GFRA1: variants seen among roughly 807,000 people sequenced by gnomAD.
GFRA1 encodes the protein GDNF family receptor alpha 1.
In GFRA1, 16 loss-of-function variants were observed where a neutral mutation model predicts 51.6. The observed-to-expected ratio is 0.31, with a 90% confidence interval of 0.21 to 0.47. The LOEUF (loss-of-function observed/expected upper bound fraction) is 0.47. GFRA1 is among the 20% of genes least tolerant of loss of function. GFRA1 has a pLI of 1.00. For missense variants in GFRA1, 530 were observed against 594.3 expected (o/e 0.89, Z 1.13); for synonymous variants, 270 against 241.3 (o/e 1.12, Z -1.10).
chr10:116,106,725 T>A (rs1957021126), intron 6 of GFRA1, among the ~76,000 whole-genome samples: 1 of 149,496 alleles, frequency 6.7e-6, no homozygotes, highest in African/African-American at 2.5e-5. Flanking sequence ...CTGTCTTCCA[T>A]CTTTCACCAC....
chr10:116,254,261 G>A (rs983719869), intron 4 of GFRA1, among the ~76,000 whole-genome samples: 3 of 144,036 alleles, frequency 2.1e-5, no homozygotes, highest in Non-Finnish European at 4.5e-5. Context: ...GGCAGAGGCT[G>A]CAGTGAGCCA....
At chr10:116,110,339 T>A (rs10787619) in intron 6 of GFRA1, among the ~76,000 whole-genome samples, 1 of 151,846 alleles carries the variant, frequency 6.6e-6, no homozygotes. Flanking sequence ...TGGTAGTGTC[T>A]GTGTTTTACA....
At chr10:116,103,284 T>C (rs1956886360) in intron 6 of GFRA1, among the ~76,000 whole-genome samples, 1 of 152,262 alleles carries the variant, frequency 6.6e-6, no homozygotes, top group Admixed American at 6.5e-5. Flanking sequence ...CCAAAATTTT[T>C]ACTTCTATCC....
chr10:116,192,005 G>C (rs1963311041), intron 5 of GFRA1, among the ~76,000 whole-genome samples: 1 of 152,086 alleles, frequency 6.6e-6, no homozygotes, highest in African/African-American at 2.4e-5. Flanking sequence ...CCAGCCTCGG[G>C]GACAAGAGTG....
intron 4 of GFRA1, among the ~76,000 whole-genome samples, chr10:116,235,166 T>C (rs925507624): frequency 3.9e-5 from 6 of 152,126 alleles, no homozygotes; most frequent in African/African-American, 1.4e-4. Context: ...TATCTGTGCC[T>C]CTCTCAGCGA....
intron 9 of GFRA1, among the ~76,000 whole-genome samples, chr10:116,089,475 A>C (rs1589777783): frequency 2.0e-5 from 3 of 152,036 alleles, no homozygotes; most frequent in Admixed American, 6.6e-5. Flanking sequence ...TCTCCCCAGA[A>C]CCCTCATTGT....
At chr10:116,243,288 G>A (rs1406556574) in intron 4 of GFRA1, among the ~76,000 whole-genome samples, 2 of 151,820 alleles carry the variant, frequency 1.3e-5, no homozygotes, top group African/African-American at 4.8e-5. Flanking sequence ...GGGGAGGGAG[G>A]ATGCCAAAAA....
intron 4 of GFRA1, 138 bp downstream of exon 4, chr10:116,269,362 TATC>T: frequency 1.4e-6 from 1 of 707,192 alleles, no homozygotes; most frequent in Non-Finnish European, 2.6e-6. Flanking sequence ...GCCTCTTCAT[TATC>T]ATCATCCTAT....
intron 5 of GFRA1, among the ~76,000 whole-genome samples, chr10:116,136,423 C>T (rs1958327619): frequency 6.6e-6 from 1 of 152,176 alleles, no homozygotes; most frequent in Non-Finnish European, 1.5e-5. Flanking sequence ...ACCGACGCTG[C>T]TTCTCCCCAG....
intron 2 of GFRA1, 75 bp from the exon 3 acceptor site, chr10:116,271,190 G>C: frequency 2.2e-6 from 3 of 1,336,630 alleles, no homozygotes; most frequent in Non-Finnish European, 3.1e-6. Flanking sequence ...GCGAGGGCGC[G>C]CGCCCGGGTC....
At chr10:116,185,940 A>G (rs1305728306) in intron 5 of GFRA1, among the ~76,000 whole-genome samples, 1 of 152,206 alleles carries the variant, frequency 6.6e-6, no homozygotes, top group Non-Finnish European at 1.5e-5. Context: ...ATATCCAGAC[A>G]TGGAGTCTGG....
At chr10:116,065,651 G>T in intron 9 of GFRA1, 25 bp from the exon 10 acceptor site, 1 of 1,597,756 alleles carries the variant, frequency 6.3e-7, no homozygotes, top group Non-Finnish European at 8.6e-7. Context: ...GAAAAAAAAT[G>T]CTCAAACATA....
chr10:116,208,441 T>C (rs1322203454), intron 5 of GFRA1, among the ~76,000 whole-genome samples: 2 of 152,180 alleles, frequency 1.3e-5, no homozygotes, highest in Non-Finnish European at 2.9e-5. Context: ...ATGTACTGGC[T>C]GCAGAATAAA....
intron 5 of GFRA1, among the ~76,000 whole-genome samples, chr10:116,147,390 G>A (rs1958850701): frequency 6.6e-6 from 1 of 152,148 alleles, no homozygotes; most frequent in Admixed American, 6.5e-5. Context: ...TGCACAATTG[G>A]TTGGAGCTGG....
chr10:116,176,208 A>G (rs1961578504), intron 5 of GFRA1, among the ~76,000 whole-genome samples: 1 of 152,218 alleles, frequency 6.6e-6, no homozygotes, highest in African/African-American at 2.4e-5. Context: ...CGCTCTGAAA[A>G]AAGTATGTGA....
At chr10:116,255,521 C>G in intron 4 of GFRA1, 1 of 876,666 alleles carries the variant, frequency 1.1e-6, no homozygotes, top group South Asian at 2.3e-5. Context: ...AAAAAAAACA[C>G]TAGGTTTCCA....
intron 4 of GFRA1, 93 bp from the exon 5 acceptor site, chr10:116,211,738 T>TGAC: frequency 1.0e-6 from 1 of 998,252 alleles, no homozygotes; most frequent in Non-Finnish European, 1.5e-6. Context: ...AGTATGATGA[T>TGAC]GACATATGCT....
intron 4 of GFRA1, among the ~76,000 whole-genome samples, chr10:116,212,935 C>T (rs187867390): frequency 1.3e-5 from 2 of 152,162 alleles, no homozygotes; most frequent in Non-Finnish European, 2.9e-5. Flanking sequence ...CCTGCTTATA[C>T]CGCCTCCCAC....
intron 6 of GFRA1, among the ~76,000 whole-genome samples, chr10:116,120,989 TTG>T (rs1391316283): frequency 6.6e-6 from 1 of 152,120 alleles, no homozygotes; most frequent in Admixed American, 6.5e-5. Flanking sequence ...AGAAGGCGTT[TTG>T]GAGTCTACCT....
Sources: gnomAD v4.1 joint callset for allele counts (sites outside exome capture counted in the v4.1 genomes callset) on GRCh38, gnomAD v4.1.1 for gene constraint, MANE v1.5 for transcripts, NCBI Gene and HGNC (gene_info 2026-07-23, HGNC 2026-07-21) for gene names.